The following RAPGEF4 variants were observed in gnomAD, a reference collection of about 807,000 sequenced individuals.
The protein encoded by RAPGEF4 is RAP guanine-nucleotide-exchange factor (GEF) 4.
RAPGEF4 carries 66 observed loss-of-function variants against 147.9 expected under a neutral mutation model. The observed-to-expected ratio is 0.45, with a 90% CI of 0.37 to 0.55. The LOEUF (loss-of-function observed/expected upper bound fraction) is 0.55. Among genes scored for constraint, RAPGEF4 ranks in the 20% least tolerant of loss-of-function variants. The probability of loss-of-function intolerance (pLI) is 0.00; values close to 1 mark genes in which losing one functional copy is unlikely to be tolerated. For synonymous variants in RAPGEF4, 419 were observed against 442.7 expected (o/e 0.95, Z 0.67); for missense variants, 1,071 against 1,257.3 (o/e 0.85, Z 2.24).
At chr2:172,876,934 G>T (rs1166169082) in intron 4 of RAPGEF4, among the ~76,000 whole-genome samples, 1 of 152,160 alleles carries the variant, frequency 6.6e-6, no homozygotes, top group Non-Finnish European at 1.5e-5. Context: ...CCTGTTATTG[G>T]TCTATTCAGG....
intron 4 of RAPGEF4, among the ~76,000 whole-genome samples, chr2:172,818,068 A>C (rs11677165): frequency 0.11 from 17,088 of 151,498 alleles, 1,003 homozygotes; most frequent in South Asian, 0.18. Flanking sequence ...CATTATCCTA[A>C]GTGAAGTAAC....
At chr2:172,818,505 C>A (rs1003081663) in intron 4 of RAPGEF4, among the ~76,000 whole-genome samples, 1 of 152,102 alleles carries the variant, frequency 6.6e-6, no homozygotes, top group Non-Finnish European at 1.5e-5. Flanking sequence ...ATCAGAGACC[C>A]TGGGTCTAAA....
intron 4 of RAPGEF4, among the ~76,000 whole-genome samples, chr2:172,875,819 T>C (rs924167404): frequency 3.7e-4 from 57 of 152,220 alleles, no homozygotes; most frequent in African/African-American, 1.4e-3. Context: ...GCATTGAATC[T>C]ATAAATTACC....
intron 4 of RAPGEF4, among the ~76,000 whole-genome samples, chr2:172,886,710 CTTT>C (rs36113414): frequency 7.2e-6 from 1 of 138,968 alleles, no homozygotes; most frequent in Admixed American, 7.2e-5. Context: ...TAGGCAATGC[CTTT>C]TTTTTTTTTT....
At chr2:172,960,906 C>G in intron 7 of RAPGEF4, 93 bp downstream of exon 7, 2 of 1,079,078 alleles carry the variant, frequency 1.9e-6, no homozygotes, top group Middle Eastern at 2.0e-4. Context: ...CATCAGGAAG[C>G]CTCTGATACA....
chr2:172,999,987 T>G (rs1373222039), intron 16 of RAPGEF4, among the ~76,000 whole-genome samples: 5 of 152,208 alleles, frequency 3.3e-5, no homozygotes, highest in Admixed American at 3.3e-4. Context: ...AACTACTGGA[T>G]ATTACAGCCT....
At chr2:172,752,274 T>C (rs1297010563) in intron 1 of RAPGEF4, among the ~76,000 whole-genome samples, 1 of 152,234 alleles carries the variant, frequency 6.6e-6, no homozygotes, top group African/African-American at 2.4e-5. Flanking sequence ...AAGGCAAATG[T>C]GCTAGAGCAG....
chr2:172,881,275 CT>C (rs1194980951), intron 4 of RAPGEF4, among the ~76,000 whole-genome samples: 1 of 152,116 alleles, frequency 6.6e-6, no homozygotes, highest in Non-Finnish European at 1.5e-5. Context: ...ATACTGTGCT[CT>C]TGGGAATCAG....
chr2:172,769,151 T>A (rs1697124518), intron 1 of RAPGEF4, among the ~76,000 whole-genome samples: 1 of 152,190 alleles, frequency 6.6e-6, no homozygotes, highest in Non-Finnish European at 1.5e-5. Context: ...TTCTAAATCA[T>A]TGTTAGGGTA....
At chr2:172,870,289 A>T (rs903341500) in intron 4 of RAPGEF4, among the ~76,000 whole-genome samples, 1 of 152,204 alleles carries the variant, frequency 6.6e-6, no homozygotes, top group African/African-American at 2.4e-5. Context: ...TCAGCCAGTC[A>T]ATCAATCTAT....
intron 4 of RAPGEF4, among the ~76,000 whole-genome samples, chr2:172,853,636 G>A (rs1693104839): frequency 6.6e-6 from 1 of 151,120 alleles, no homozygotes; most frequent in African/African-American, 2.4e-5. Context: ...TTGGGTCATC[G>A]CTTTTATACC....
rs995614052 is a variant in RAPGEF4, at chr2:173,048,631, G to A, written c.2885G>A (p.Arg962Lys). 6.2e-7 allele frequency: 1 copy of A among 1,614,024 alleles called. No homozygotes were observed. The highest frequency in any genetic ancestry group is 1.1e-5 in the South Asian group (1 of 91,064). Residue 962 changes from arginine to lysine, a missense_variant, in exon 30 of 31, where the codon AGA becomes AAA. Coordinates refer to ENST00000397081, the MANE Select transcript of RAPGEF4 (RefSeq NM_007023.4). ...ATTGCAAATACGGCCAGAACAGTGAGATACTACAGGAGCCAACCCTTCAGT... is the reference window on the plus strand; with the variant it reads ...ATTGCAAATACGGCCAGAACAGTGAAATACTACAGGAGCCAACCCTTCAGT... Reference protein sequence around the residue: ...RMIANTARTVRYYRSQPFNPD... With the variant: ...RMIANTARTVKYYRSQPFNPD...
intron 4 of RAPGEF4, among the ~76,000 whole-genome samples, chr2:172,914,453 C>A (rs754310591): frequency 6.2e-4 from 92 of 149,494 alleles, no homozygotes; most frequent in South Asian, 2.3e-3. Context: ...CCCGCCTCAC[C>A]CTCCCAAGTA....
At chr2:173,009,068 T>C (rs988136196) in intron 17 of RAPGEF4, among the ~76,000 whole-genome samples, 1 of 152,226 alleles carries the variant, frequency 6.6e-6, no homozygotes, top group Non-Finnish European at 1.5e-5. Context: ...CGAGAAGATT[T>C]AGTCACTCTG....
chr2:172,949,055 C>A (rs1687961798), intron 6 of RAPGEF4, among the ~76,000 whole-genome samples: 1 of 152,110 alleles, frequency 6.6e-6, no homozygotes, highest in Non-Finnish European at 1.5e-5. Flanking sequence ...CAGGAAAAAG[C>A]AAAAGTAAAA....
At chr2:172,799,119 A>G (rs1341656033) in intron 3 of RAPGEF4, among the ~76,000 whole-genome samples, 1 of 152,200 alleles carries the variant, frequency 6.6e-6, no homozygotes, top group African/African-American at 2.4e-5. Flanking sequence ...GCCATATCCT[A>G]TATAATCAAG....
At chr2:172,930,604 C>G (rs1008460559) in intron 6 of RAPGEF4, among the ~76,000 whole-genome samples, 8 of 152,134 alleles carry the variant, frequency 5.3e-5, no homozygotes, top group African/African-American at 1.7e-4. Flanking sequence ...TTGTCAAGGT[C>G]ATTTTAAATT....
At chr2:172,788,217 A>G (rs1030185146) in intron 1 of RAPGEF4, among the ~76,000 whole-genome samples, 23 of 152,352 alleles carry the variant, frequency 1.5e-4, no homozygotes, top group Admixed American at 3.3e-4. Context: ...ATTTTAACAT[A>G]TAAATTTCGG....
intron 1 of RAPGEF4, among the ~76,000 whole-genome samples, chr2:172,742,054 T>C (rs138858178): frequency 1.3e-5 from 2 of 152,194 alleles, no homozygotes; most frequent in African/African-American, 4.8e-5. Context: ...CTTCACGCGC[T>C]CCCCACTCCC....
Sources: allele counts gnomAD v4.1 joint callset (sites outside exome capture counted in the v4.1 genomes callset), GRCh38; gene constraint gnomAD v4.1.1; transcripts MANE v1.5; gene names NCBI Gene and HGNC (gene_info 2026-07-23, HGNC 2026-07-21).